The following SYNE2 variants were observed in gnomAD, a reference collection of about 807,000 sequenced individuals.
SYNE2 encodes the protein spectrin repeat containing nuclear envelope protein 2.
In SYNE2, 431 loss-of-function variants were observed where a neutral mutation model predicts 856.3. The observed-to-expected ratio is 0.50, with a 90% CI of 0.47 to 0.55. The LOEUF is 0.55. SYNE2 is among the 20% of genes least tolerant of loss of function. The probability of loss-of-function intolerance (pLI) is 0.00; values close to 1 mark genes in which losing one functional copy is unlikely to be tolerated. For synonymous variants in SYNE2, 2,923 were observed against 2,872.3 expected, an observed-to-expected ratio of 1.02 and a Z score of -0.56; for missense variants, 8,129 against 8,023.2, an observed-to-expected ratio of 1.01 and a Z score of -0.50.
At chr14:64,173,867 A>G in intron 94 of SYNE2, 1 of 648,738 alleles carries the variant, frequency 1.5e-6, no homozygotes, top group Non-Finnish European at 2.7e-6. Flanking sequence ...TTATTTTTGT[A>G]TTATAAATAC....
chr14:64,137,398 C>T (rs536424036), intron 78 of SYNE2, among the ~76,000 whole-genome samples: 5 of 152,086 alleles, frequency 3.3e-5, no homozygotes, highest in Admixed American at 6.5e-5. Context: ...TACAGGCATG[C>T]GCCACCACAC....
chr14:64,175,840 G>A (rs1595997638), intron 95 of SYNE2, among the ~76,000 whole-genome samples: 1 of 152,158 alleles, frequency 6.6e-6, no homozygotes, highest in East Asian at 1.9e-4. Flanking sequence ...GTAAATATAT[G>A]CTGAGTTAGG....
chr14:64,089,525 G>T, intron 58 of SYNE2, 49 bp from the exon 59 acceptor site: 1 of 1,550,894 alleles, frequency 6.4e-7, no homozygotes. Flanking sequence ...TTTTATAGAT[G>T]ATTAATATAC....
intron 85 of SYNE2, 37 bp downstream of exon 85, chr14:64,152,753 A>G: frequency 6.2e-7 from 1 of 1,612,722 alleles, no homozygotes; most frequent in Admixed American, 1.7e-5. Flanking sequence ...ATTTCTCTTC[A>G]CATATTCTTT....
intron 2 of SYNE2, among the ~76,000 whole-genome samples, chr14:63,930,762 CTGACCTCAGGTGATCTGCCCACCT>C (rs2095743181): frequency 6.6e-6 from 1 of 152,154 alleles, no homozygotes. Flanking sequence ...TCTCAAACTC[CTGACCTCAGGTGATCTGCCCACCT>C]TGGCCTCCCA....
chr14:64,132,344 A>G lies in SYNE2; in HGVS notation c.14420A>G (p.Asn4807Ser). The change falls in exon 77 of 116, where the codon AAC (asparagine) becomes AGC (serine). Residue 4807 changes from asparagine (N) to serine (S), a missense_variant. By Grantham distance (46) the Asn-to-Ser change is conservative. This residue lies in a region of SYNE2 where 5,410 missense variants were observed against 5,284.8 expected (regional missense o/e 1.02). Coordinates refer to ENST00000555002, the MANE Select transcript of SYNE2 (RefSeq NM_182914.3). Reference protein sequence around the residue: ...SAKILPSLLQNRETFWAEQVT... With the variant: ...SAKILPSLLQSRETFWAEQVT... ...AAAATACTTCCTTCTTTATTGCAAAACAGAGAGACATTTTGGGCAGAACAA... is the reference window on the plus strand; with the variant it reads ...AAAATACTTCCTTCTTTATTGCAAAGCAGAGAGACATTTTGGGCAGAACAA... The G allele has an allele frequency of 6.2e-7, 1 of 1,614,184 alleles. No homozygotes were observed. Among genetic ancestry groups the G allele is most frequent in the Non-Finnish European group, 8.5e-7 (1 of 1,180,038 alleles).
Position 63,765,395 on chromosome 14 carries a change from C to T in SYNE2, c.-305+3409C>T, listed in dbSNP as rs560987069. ...TGAGATGGAGCCTCACTCTGTCACCCAGGCTGGAGTGCAGTGGTGCGATCT... is the reference window on the plus strand; with the variant it reads ...TGAGATGGAGCCTCACTCTGTCACCTAGGCTGGAGTGCAGTGGTGCGATCT... On this transcript the variant is annotated intron_variant, in intron 1 of 23. Transcript: ENST00000674003. 2.0e-5 allele frequency among the ~76,000 whole-genome samples: 3 copies of T among 152,314 alleles called. No homozygotes were observed. The South Asian group carries it at 6.2e-4, about 32-fold the overall frequency.
intron 1 of SYNE2, among the ~76,000 whole-genome samples, chr14:63,784,498 AAAAC>A (rs137985555): frequency 0.38 from 56,908 of 149,600 alleles, 12,529 homozygotes; most frequent in African/African-American, 0.61. Context: ...CTCCATCTCA[AAAAC>A]AAACAAACAA....
At chr14:63,840,038 G>A (rs1024704062) in intron 1 of SYNE2, among the ~76,000 whole-genome samples, 3 of 152,344 alleles carry the variant, frequency 2.0e-5, no homozygotes, top group Non-Finnish European at 2.9e-5. Flanking sequence ...GGAGGCCTAG[G>A]TGGGTGGATC....
intron 94 of SYNE2, chr14:64,173,912 C>A (rs1482358231): frequency 1.5e-6 from 1 of 689,564 alleles, no homozygotes. Context: ...GCCCATGTAG[C>A]CAGGTGTGGT....
intron 1 of SYNE2, among the ~76,000 whole-genome samples, chr14:63,824,938 C>T (rs1385443684): frequency 6.6e-6 from 1 of 151,892 alleles, no homozygotes; most frequent in African/African-American, 2.4e-5. Flanking sequence ...TTGAGACCAG[C>T]CTGGCCAACA....
intron 30 of SYNE2, among the ~76,000 whole-genome samples, chr14:64,004,521 G>A (rs2096781232): frequency 2.0e-5 from 3 of 151,936 alleles, no homozygotes; most frequent in Admixed American, 2.0e-4. Context: ...GTAGAGACGG[G>A]GTTTCACCAT....
chr14:64,189,071 T>C (rs2098505425), intron 98 of SYNE2: 1 of 684,942 alleles, frequency 1.5e-6, no homozygotes, highest in South Asian at 1.6e-5. Context: ...TGGTGGCTCA[T>C]TGCTGTAATC....
intron 1 of SYNE2, among the ~76,000 whole-genome samples, chr14:63,903,934 A>G (rs2095372824): frequency 6.6e-6 from 1 of 152,030 alleles, no homozygotes; most frequent in Admixed American, 6.6e-5. Context: ...TGGTGAGCAT[A>G]GTACCCAATA....
chr14:63,864,577 G>A (rs2356999), intron 1 of SYNE2: 149,121 of 152,338 alleles, frequency 0.98, 73,004 homozygotes, highest in East Asian at 1. Flanking sequence ...ATGTTTTGAA[G>A]TGATCCAACA....
chr14:64,203,030 C>G, intron 100 of SYNE2, 67 bp downstream of exon 100: 10 of 1,582,632 alleles, frequency 6.3e-6, no homozygotes, highest in Non-Finnish European at 8.6e-6. Context: ...CTGAGGCCTT[C>G]CCCGTATATC....
At chr14:64,225,132 T>C (rs1567706869) in intron 115 of SYNE2, 87 bp downstream of exon 115, 9 of 1,572,638 alleles carry the variant, frequency 5.7e-6, no homozygotes, top group Non-Finnish European at 7.0e-6. Flanking sequence ...ATCAAGGTCC[T>C]TGCAAAAATC....
intron 2 of SYNE2, among the ~76,000 whole-genome samples, chr14:63,925,550 TG>T (rs1220320401): frequency 2.6e-5 from 4 of 152,292 alleles, no homozygotes; most frequent in Admixed American, 2.0e-4. Context: ...GCAATTGCAT[TG>T]TTTTTTTTAC....
chr14:63,991,918 T>C (rs551691891), intron 21 of SYNE2, among the ~76,000 whole-genome samples: 15 of 151,840 alleles, frequency 9.9e-5, no homozygotes, highest in Non-Finnish European at 2.1e-4. Context: ...GGAGTCTCTC[T>C]TCATTCTCAT....
Sources: allele counts gnomAD v4.1 joint callset (sites outside exome capture counted in the v4.1 genomes callset), GRCh38; gene constraint gnomAD v4.1.1; regional missense constraint gnomAD v4.1.1; transcripts MANE v1.5; gene names NCBI Gene and HGNC (gene_info 2026-07-23, HGNC 2026-07-21).